The following ADGRE3 variants were observed in gnomAD, a reference collection of about 807,000 sequenced individuals.
The protein encoded by ADGRE3 is EGF-like module receptor 3.
In ADGRE3, 88 loss-of-function variants were observed where a neutral mutation model predicts 80.1. That is an observed-to-expected ratio of 1.10 (90% CI 0.93 to 1.31). The LOEUF (loss-of-function observed/expected upper bound fraction) is 1.31. ADGRE3 is among the 40% of genes most tolerant of loss of function. The pLI is 0.00. For missense variants in ADGRE3, 715 were observed against 776.5 expected (o/e 0.92, Z 0.94); for synonymous variants, 281 against 294.8 (o/e 0.95, Z 0.48).
At chr19:14,613,854 T>A in the ADGRE3 span, among the ~76,000 whole-genome samples, 10 of 152,098 alleles carry the variant, frequency 6.6e-5, no homozygotes, top group East Asian at 1.4e-3. Context: ...TCCGGCTAAT[T>A]TTTGTATTAT....
At position 14,670,986 on chromosome 19, in the gene ADGRE3, A is replaced by G. The variant is rs112622576; in HGVS notation, c.26-2134T>C. ...GTCCTTTTTTCCCCCGGCAGATGCCACTCACCAGATCTGACTGGAGCCTCA... is the reference window on the plus strand; with the variant it reads ...GTCCTTTTTTCCCCCGGCAGATGCCGCTCACCAGATCTGACTGGAGCCTCA... On this transcript the variant is annotated intron_variant, in intron 1 of 15. Coordinates refer to ENST00000253673, the MANE Select transcript of ADGRE3 (RefSeq NM_032571.5). Among the ~76,000 whole-genome samples the G allele has an allele frequency of 7.6e-3, 1,161 of 152,240 alleles. 14 individuals carry two copies. Among genetic ancestry groups the G allele is most frequent in the African/African-American group, 0.027 (1,125 of 41,530 alleles).
intron 15 of ADGRE3, among the ~76,000 whole-genome samples, chr19:14,620,551 T>TAATATATATATATATATATATA (rs1327094521): frequency 4.3e-5 from 1 of 23,414 alleles, no homozygotes; most frequent in African/African-American, 1.8e-4. Context: ...ATATATATTA[T>TAATATATATATATATATATATA]ATATATATAT....
At chr19:14,618,480 G>A (rs1162761539), downstream of ADGRE3, among the ~76,000 whole-genome samples, 3 of 152,058 alleles carry the variant, frequency 2.0e-5, no homozygotes. Context: ...CTTGAACCCA[G>A]GAGGTAGAGG....
At position 14,651,206 on chromosome 19, in the gene ADGRE3, T is replaced by C; in HGVS notation, c.578-2A>G. 2 of 1,614,066 alleles carry C rather than the reference T, an allele frequency of 1.2e-6. No individual in the cohort carries two copies. Among genetic ancestry groups the C allele is most frequent in the East Asian group, 4.5e-5 (2 of 44,880 alleles). On this transcript the variant is annotated splice_acceptor_variant, in intron 6 of 15. Coordinates refer to ENST00000253673, the MANE Select transcript of ADGRE3 (RefSeq NM_032571.5). LOFTEE classifies it high-confidence loss of function. ...CTGTAATCGCTTGAGTTTCAATAGC[T>C]GGTAAGAAAAGCAATGGGCAGGCTT... is the stretch of plus-strand genomic sequence containing the variant.
At chr19:14,661,895 A>C in intron 4 of ADGRE3, 68 bp downstream of exon 4, 1 of 1,556,118 alleles carries the variant, frequency 6.4e-7, no homozygotes, top group Non-Finnish European at 8.8e-7. Context: ...AAAACAAAAC[A>C]AAACAAAACA....
chr19:14,625,487 C>T lies in ADGRE3; in HGVS notation c.1920+5G>A, dbSNP rs1279515079. On this transcript the variant is annotated splice_donor_5th_base_variant and intron_variant, in intron 15 of 15. Transcript: ENST00000253673. ...ACATTAGAACAATTCAGATGTTTCA[C>T]TTACCTCACTGGGTTTTGAGTCAGG... The T allele has an allele frequency of 1.3e-6, 2 of 1,559,404 alleles. No individual in the cohort carries two copies. Among genetic ancestry groups the T allele is most frequent in the East Asian group, 2.2e-5 (1 of 44,556 alleles).
At chr19:14,653,075 C>G (rs370571799) in intron 6 of ADGRE3, among the ~76,000 whole-genome samples, 1 of 151,530 alleles carries the variant, frequency 6.6e-6, no homozygotes, top group South Asian at 2.1e-4. Context: ...CTCTGTCCCC[C>G]GGGTTCAAGC....
intron 15 of ADGRE3, among the ~76,000 whole-genome samples, chr19:14,620,569 T>TATATATATATATATATATATATA (rs1427819287): frequency 1.3e-4 from 1 of 7,568 alleles, no homozygotes; most frequent in African/African-American, 5.6e-4. Context: ...TATATATATA[T>TATATATATATATATATATATATA]TTTTTTTTTT....
downstream of ADGRE3, among the ~76,000 whole-genome samples, chr19:14,615,453 AT>A (rs1031584813): frequency 2.0e-5 from 3 of 151,714 alleles, no homozygotes; most frequent in South Asian, 2.1e-4. Flanking sequence ...ATTAAAAAAA[AT>A]TTTTTTTAGA....
At chr19:14,606,507 C>T in the ADGRE3 span, among the ~76,000 whole-genome samples, 4 of 151,962 alleles carry the variant, frequency 2.6e-5, no homozygotes, top group East Asian at 1.9e-4. Context: ...GGCGAAAGCC[C>T]GTTTCTACTA....
the ADGRE3 span, among the ~76,000 whole-genome samples, chr19:14,612,043 G>A: frequency 6.6e-6 from 1 of 152,094 alleles, no homozygotes; most frequent in African/African-American, 2.4e-5. Context: ...TTACTTCTGT[G>A]TGGACTTTCC....
chr19:14,666,839 C>T (rs1972119618), intron 2 of ADGRE3, among the ~76,000 whole-genome samples: 1 of 152,134 alleles, frequency 6.6e-6, no homozygotes, highest in Non-Finnish European at 1.5e-5. Context: ...CTGCTTAGTT[C>T]AGAGTGAGCT....
chr19:14,606,831 G>A, the ADGRE3 span, among the ~76,000 whole-genome samples: 1 of 152,164 alleles, frequency 6.6e-6, no homozygotes, highest in Non-Finnish European at 1.5e-5. Flanking sequence ...ATGCTACAGT[G>A]GGAGGAAGAC....
intron 14 of ADGRE3, among the ~76,000 whole-genome samples, chr19:14,627,124 G>C (rs1467911850): frequency 3.9e-5 from 6 of 152,120 alleles, no homozygotes; most frequent in Non-Finnish European, 4.4e-5. Context: ...TGTCCTGTGT[G>C]CATTGTTTAG....
chr19:14,606,679 CAAA>C, the ADGRE3 span, among the ~76,000 whole-genome samples: 2 of 66,394 alleles, frequency 3.0e-5, no homozygotes, highest in African/African-American at 5.7e-5. Flanking sequence ...GACTCCCTCT[CAAA>C]AAAAAAAAAA....
intron 11 of ADGRE3, among the ~76,000 whole-genome samples, chr19:14,633,631 G>T (rs1170248053): frequency 6.6e-6 from 1 of 150,740 alleles, no homozygotes; most frequent in Non-Finnish European, 1.5e-5. Context: ...CGTGAACTCG[G>T]TAAGCGGAGC....
intron 12 of ADGRE3, 22 bp from the exon 13 acceptor site, chr19:14,633,034 G>T: frequency 6.3e-7 from 1 of 1,577,170 alleles, no homozygotes; most frequent in South Asian, 1.1e-5. Context: ...ACACAAACAA[G>T]GCAGAGTGCA....
chr19:14,628,296 G>A (rs1357632353), intron 14 of ADGRE3, among the ~76,000 whole-genome samples: 1 of 147,146 alleles, frequency 6.8e-6, no homozygotes, highest in Non-Finnish European at 1.5e-5. Context: ...AAAAAAATTA[G>A]CCAGGCATGG....
At position 14,661,967 on chromosome 19, in the gene ADGRE3, A is replaced by G. The variant is rs1971955951; in HGVS notation, c.351T>C (p.Cys117=). The change falls in exon 4 of 16, where the codon TGT becomes TGC. Residue 117 remains cysteine, a synonymous_variant. Transcript: ENST00000253673. ...EQFSNSNENT[C]QDTTSSKTTE... ...GGAGGACAAAAATGTTCTTACCCTG[A>G]CAGGTGTTCTCATTGGAATTACTGA... 14 of 1,614,058 alleles carry G rather than the reference A, an allele frequency of 8.7e-6. No individual in the cohort carries two copies. Among genetic ancestry groups the G allele is most frequent in the East Asian group, 2.2e-5 (1 of 44,880 alleles).
Sources: gnomAD v4.1 joint callset for allele counts (sites outside exome capture counted in the v4.1 genomes callset) on GRCh38, gnomAD v4.1.1 for gene constraint, MANE v1.5 for transcripts, NCBI Gene and HGNC (gene_info 2026-07-23, HGNC 2026-07-21) for gene names.